The following RIT2 variants were observed in gnomAD, a reference collection of about 807,000 sequenced individuals.
The protein encoded by RIT2 is Ras like without CAAX 2.
In RIT2, 24 loss-of-function variants were observed where a neutral mutation model predicts 23.7. The ratio of observed to expected loss-of-function variants is 1.01; its 90% CI spans 0.73 to 1.43. The LOEUF is 1.43. Ranked by LOEUF, RIT2 falls within the 40% of genes most tolerant of loss-of-function variation. The pLI is 0.00. For missense variants in RIT2, 236 were observed against 266.9 expected, an observed-to-expected ratio of 0.88 and a Z score of 0.81; for synonymous variants, 107 against 91.1, an observed-to-expected ratio of 1.17 and a Z score of -0.99.
At chr18:42,753,740 T>C (rs1913099430) in intron 4 of RIT2, among the ~76,000 whole-genome samples, 1 of 152,338 alleles carries the variant, frequency 6.6e-6, no homozygotes, top group African/African-American at 2.4e-5. Flanking sequence ...TTTTGTTTAG[T>C]TGTATAATTG....
At chr18:42,983,983 A>T (rs138085643) in intron 2 of RIT2, among the ~76,000 whole-genome samples, 1,615 of 152,194 alleles carry the variant, frequency 0.011, 32 homozygotes, top group African/African-American at 0.037. Context: ...TCATGCATGT[A>T]TCATACAGAG....
At chr18:43,100,660 G>T (rs1913662188) in intron 1 of RIT2, among the ~76,000 whole-genome samples, 1 of 152,070 alleles carries the variant, frequency 6.6e-6, no homozygotes, top group South Asian at 2.1e-4. Flanking sequence ...ATACATAGAA[G>T]ACAAAACCAA....
intron 4 of RIT2, among the ~76,000 whole-genome samples, chr18:42,852,799 T>TCCCTC (rs1568013019): frequency 7.9e-5 from 10 of 125,874 alleles, no homozygotes; most frequent in South Asian, 3.0e-4. Flanking sequence ...CTCCCTCTCT[T>TCCCTC]CCTCCCTCCC....
At chr18:42,865,144 A>T (rs964985274) in intron 4 of RIT2, among the ~76,000 whole-genome samples, 1 of 152,208 alleles carries the variant, frequency 6.6e-6, no homozygotes, top group Non-Finnish European at 1.5e-5. Context: ...TCTTTGTAAC[A>T]ATCCCTCACA....
intron 4 of RIT2, among the ~76,000 whole-genome samples, chr18:42,866,472 C>G (rs1907472001): frequency 6.6e-6 from 1 of 152,094 alleles, no homozygotes; most frequent in Admixed American, 6.5e-5. Flanking sequence ...TTCCCAAGCT[C>G]TGATAACTCT....
At chr18:42,859,884 C>T (rs1258777442) in intron 4 of RIT2, among the ~76,000 whole-genome samples, 2 of 151,906 alleles carry the variant, frequency 1.3e-5, no homozygotes, top group African/African-American at 2.4e-5. Flanking sequence ...ATTCTCATGC[C>T]TCAGCCTCCC....
rs555002543 is a variant in RIT2, at chr18:42,985,799, A to T, written c.161-11652T>A. Reference sequence around the variant, plus strand: ...AAAGAAAAACAATAAAGCAAATAGGAGATACTTTAGAAGAATACCTTCATG... The same window carrying T: ...AAAGAAAAACAATAAAGCAAATAGGTGATACTTTAGAAGAATACCTTCATG... On this transcript the variant is annotated intron_variant, in intron 2 of 4. Coordinates refer to ENST00000326695, the MANE Select transcript of RIT2 (RefSeq NM_002930.4). Among the ~76,000 whole-genome samples the T allele has an allele frequency of 1.3e-5, 2 of 152,198 alleles. 1 individual carries two copies. Among genetic ancestry groups the T allele is most frequent in the South Asian group, 4.1e-4 (2 of 4,822 alleles).
intron 4 of RIT2, among the ~76,000 whole-genome samples, chr18:42,868,974 C>T (rs1907545511): frequency 1.3e-5 from 2 of 152,214 alleles, no homozygotes; most frequent in South Asian, 4.1e-4. Context: ...ACTAGACAGC[C>T]TGTTACATGG....
chr18:42,959,189 G>A (rs1910042979), intron 3 of RIT2, among the ~76,000 whole-genome samples: 1 of 152,156 alleles, frequency 6.6e-6, no homozygotes, highest in Admixed American at 6.6e-5. Context: ...TTTAATAAAA[G>A]TTTACTGACT....
At chr18:42,858,902 C>T (rs573540984) in intron 4 of RIT2, among the ~76,000 whole-genome samples, 82 of 152,134 alleles carry the variant, frequency 5.4e-4, no homozygotes, top group Middle Eastern at 3.2e-3. Context: ...CTTTGCATTG[C>T]TAAATAACAT....
At chr18:42,808,520 A>C (rs958138643) in intron 4 of RIT2, among the ~76,000 whole-genome samples, 1 of 152,178 alleles carries the variant, frequency 6.6e-6, no homozygotes, top group Non-Finnish European at 1.5e-5. Flanking sequence ...AAATATCTAA[A>C]ATTAAACAAA....
chr18:43,050,948 G>A, intron 1 of RIT2, among the ~76,000 whole-genome samples: 1 of 152,064 alleles, frequency 6.6e-6, no homozygotes, highest in East Asian at 1.9e-4. Flanking sequence ...ACATAAGTAA[G>A]TGTCTCCCTG....
At chr18:42,784,091 T>A (rs1913872279) in intron 4 of RIT2, among the ~76,000 whole-genome samples, 1 of 151,972 alleles carries the variant, frequency 6.6e-6, no homozygotes, top group Non-Finnish European at 1.5e-5. Context: ...TGTACACACT[T>A]CCCACTCTCC....
intron 3 of RIT2, among the ~76,000 whole-genome samples, chr18:42,970,651 A>G (rs1449440808): frequency 6.6e-6 from 1 of 151,982 alleles, no homozygotes; most frequent in Admixed American, 6.6e-5. Flanking sequence ...AATGCCAAAA[A>G]GAATTTTTGA....
intron 1 of RIT2, among the ~76,000 whole-genome samples, chr18:43,081,180 G>A (rs943645329): frequency 2.6e-5 from 4 of 151,936 alleles, no homozygotes; most frequent in South Asian, 2.1e-4. Context: ...CTAATAAAAA[G>A]GCCTAAAAAT....
At chr18:42,743,853 G>A (rs965531038) in intron 4 of RIT2, 133 bp from the exon 5 acceptor site, 7 of 649,454 alleles carry the variant, frequency 1.1e-5, no homozygotes, top group Non-Finnish European at 1.6e-5. Flanking sequence ...TGACTTGCAG[G>A]TATACGCCCA....
chr18:42,875,320 T>C (rs7230586), intron 4 of RIT2, among the ~76,000 whole-genome samples: 19,684 of 151,556 alleles, frequency 0.13, 1,312 homozygotes, highest in Middle Eastern at 0.26. Context: ...GTTGCCTTCT[T>C]TCTCTCTCTC....
At chr18:42,904,076 T>G (rs1185836782) in intron 4 of RIT2, among the ~76,000 whole-genome samples, 3 of 152,276 alleles carry the variant, frequency 2.0e-5, no homozygotes, top group Non-Finnish European at 2.9e-5. Context: ...AAATGTATAG[T>G]GTTCCTACAA....
chr18:42,988,520 TCAAAACATCTTTCTCATTGG>T lies in RIT2; in HGVS notation c.161-14393_161-14374del, dbSNP rs556574312. ...GAATGATGTTGAAGGACCTTTCCGT[TCAAAACATCTTTCTCATTGG>T]CCTGGCATGATGCCCCAAGTTCCAC... On this transcript the variant is annotated intron_variant, in intron 2 of 4. Transcript: ENST00000326695. Among the ~76,000 whole-genome samples, 243 of 152,298 alleles carry T rather than the reference TCAAAACATCTTTCTCATTGG, an allele frequency of 1.6e-3. 1 individual carries two copies. The highest frequency in any genetic ancestry group is 6.8e-3 in the Middle Eastern group (2 of 294).
Sources: allele counts gnomAD v4.1 joint callset (sites outside exome capture counted in the v4.1 genomes callset), GRCh38; gene constraint gnomAD v4.1.1; transcripts MANE v1.5; gene names NCBI Gene and HGNC (gene_info 2026-07-23, HGNC 2026-07-21).